FCHSD2: variants seen among roughly 807,000 people sequenced by gnomAD.
FCHSD2 encodes FCH and double SH3 domains 2.
A neutral mutation model predicts 108.1 loss-of-function variants in FCHSD2; 38 were observed. The observed-to-expected ratio is 0.35, with a 90% CI of 0.27 to 0.46. The LOEUF (loss-of-function observed/expected upper bound fraction) is 0.46. Among genes scored for constraint, FCHSD2 ranks in the 20% least tolerant of loss-of-function variants. The pLI, the probability that FCHSD2 is intolerant of heterozygous loss-of-function variation, is 1.00. For synonymous variants in FCHSD2, 279 were observed against 314.7 expected, an observed-to-expected ratio of 0.89 and a Z score of 1.20; for missense variants, 751 against 897.8, an observed-to-expected ratio of 0.84 and a Z score of 2.09.
intron 16 of FCHSD2, 138 bp downstream of exon 16, chr11:72,843,013 A>G: frequency 1.1e-6 from 1 of 941,200 alleles, no homozygotes; most frequent in Non-Finnish European, 1.6e-6. Context: ...TGTGCAGGAC[A>G]AACGTGACCA....
Position 73,051,908 on chromosome 11 carries a change from CA to C in FCHSD2, c.165+31786del, listed in dbSNP as rs1565386214. On this transcript the variant is annotated intron_variant, in intron 3 of 19. Coordinates refer to ENST00000409418, the MANE Select transcript of FCHSD2 (RefSeq NM_014824.3). ...ACACACACACACACACACACACACACACACACACCCCACACACACTGACATC... is the reference window on the plus strand; with the variant it reads ...ACACACACACACACACACACACACACCACACACCCCACACACACTGACATC... Among the ~76,000 whole-genome samples the C allele has an allele frequency of 9.4e-3, 1,343 of 143,256 alleles. 20 individuals are homozygous for C. Among genetic ancestry groups the C allele is most frequent in the African/African-American group, 0.029 (1,112 of 38,248 alleles). The allele number at this position is 143,256 out of a possible 152,430, so 94.0% of individuals were successfully genotyped here.
intron 8 of FCHSD2, among the ~76,000 whole-genome samples, chr11:72,979,324 C>T (rs1163770927): frequency 6.6e-6 from 1 of 151,758 alleles, no homozygotes; most frequent in Non-Finnish European, 1.5e-5. Flanking sequence ...CCAAAAAGTA[C>T]AACATAATGA....
At chr11:73,092,386 C>T (rs1454138537) in intron 2 of FCHSD2, among the ~76,000 whole-genome samples, 1 of 151,844 alleles carries the variant, frequency 6.6e-6, no homozygotes, top group Non-Finnish European at 1.5e-5. Context: ...GTGATTCTTC[C>T]ACCTCAGCCT....
chr11:72,935,832 C>CTTTTGTTT (rs1856288907), intron 8 of FCHSD2, among the ~76,000 whole-genome samples: 1 of 152,114 alleles, frequency 6.6e-6, no homozygotes, highest in Non-Finnish European at 1.5e-5. Flanking sequence ...AAGTTTATGT[C>CTTTTGTTT]TGTAAATTAC....
rs765990301 is a variant in FCHSD2 at position 72,867,884 on chromosome 11, C to G, written c.1289G>C (p.Ser430Thr). The G allele has an allele frequency of 6.2e-6, 10 of 1,612,604 alleles. No individual in the cohort carries two copies. The African/African-American group carries it at 1.2e-4, about 19-fold the overall frequency. ...TCGTACCGAGTGTAAAGTGCCATTA[C>G]TGGTCACTGCAGGAGGGCGGGCCCA... is the stretch of plus-strand genomic sequence containing the variant. ...ERWARPPAVT[S>T]NGTLHSLNAD... is the part of the protein sequence containing the mutation. The change falls in exon 13 of 20, where the codon AGT becomes ACT. Residue 430 changes from serine to threonine, a missense_variant. Transcript: ENST00000409418.
intron 8 of FCHSD2, among the ~76,000 whole-genome samples, chr11:72,956,826 A>G (rs899829872): frequency 0.091 from 8 of 88 alleles, no homozygotes; most frequent in Admixed American, 0.21. Flanking sequence ...TCATAGTGGA[A>G]AAAAAAAAAA....
intron 10 of FCHSD2, among the ~76,000 whole-genome samples, chr11:72,893,631 T>A (rs1855362590): frequency 6.6e-6 from 1 of 152,038 alleles, no homozygotes; most frequent in Non-Finnish European, 1.5e-5. Context: ...TTTTCCTTTA[T>A]CTTTTAAAAA....
At chr11:73,056,741 G>A (rs768041288) in intron 3 of FCHSD2, among the ~76,000 whole-genome samples, 35 of 152,268 alleles carry the variant, frequency 2.3e-4, no homozygotes, top group Non-Finnish European at 4.1e-4. Context: ...GAGCACATGA[G>A]AGCCATCAAA....
intron 8 of FCHSD2, among the ~76,000 whole-genome samples, chr11:72,929,438 C>A (rs1856145577): frequency 6.6e-6 from 1 of 152,190 alleles, no homozygotes; most frequent in Admixed American, 6.5e-5. Context: ...GGTAAGATAG[C>A]TGGAGGCCTT....
rs771880379 is a variant in FCHSD2, at chr11:73,001,124, G to C, written c.253C>G (p.Pro85Ala). 1 of 1,613,000 alleles carries C rather than the reference G, an allele frequency of 6.2e-7. No individual in the cohort carries two copies. Among genetic ancestry groups the C allele is most frequent in the South Asian group, 1.1e-5 (1 of 90,776 alleles). ...CCCTCGAGAAAAGATTTCCAAACGG[G>C]ATACATGCTCCTAAATTCAAAGAGG... ...DDRNDYRSMY[P>A]VWKSFLEGTM... Residue 85 changes from proline (P) to alanine (A), a missense_variant, in exon 5 of 20, where the codon CCC (proline) becomes GCC (alanine). Transcript: ENST00000409418.
At chr11:72,865,309 T>C (rs1037943834) in intron 13 of FCHSD2, among the ~76,000 whole-genome samples, 3 of 152,202 alleles carry the variant, frequency 2.0e-5, no homozygotes, top group Admixed American at 2.0e-4. Flanking sequence ...GCAGATTAAA[T>C]AAATATAGGT....
chr11:73,052,117 T>C (rs894819271), intron 3 of FCHSD2, among the ~76,000 whole-genome samples: 1 of 152,188 alleles, frequency 6.6e-6, no homozygotes, highest in Non-Finnish European at 1.5e-5. Flanking sequence ...AATGCAAAGA[T>C]AGTATGGCAT....
At chr11:72,858,726 C>T (rs1028402124) in intron 13 of FCHSD2, among the ~76,000 whole-genome samples, 1 of 152,088 alleles carries the variant, frequency 6.6e-6, no homozygotes, top group African/African-American at 2.4e-5. Flanking sequence ...CACAAGTTTA[C>T]CTATGTAACA....
chr11:72,848,313 G>A (rs527879790), intron 14 of FCHSD2, among the ~76,000 whole-genome samples: 1 of 152,112 alleles, frequency 6.6e-6, no homozygotes, highest in South Asian at 2.1e-4. Flanking sequence ...AACATTTCCT[G>A]AACACCCCAC....
At chr11:73,006,763 A>G (rs556381705) in intron 4 of FCHSD2, among the ~76,000 whole-genome samples, 49 of 152,228 alleles carry the variant, frequency 3.2e-4, no homozygotes, top group Non-Finnish European at 6.3e-4. Context: ...GTCTTCCCTC[A>G]TTAGAATGTA....
At chr11:72,941,274 A>G (rs1856412690) in intron 8 of FCHSD2, among the ~76,000 whole-genome samples, 1 of 152,152 alleles carries the variant, frequency 6.6e-6, no homozygotes, top group African/African-American at 2.4e-5. Flanking sequence ...ATGACAGTAA[A>G]TATTTGTTAA....
At chr11:72,955,544 A>G (rs1856696803) in intron 8 of FCHSD2, among the ~76,000 whole-genome samples, 2 of 152,274 alleles carry the variant, frequency 1.3e-5, no homozygotes, top group South Asian at 4.1e-4. Context: ...GGGTGGAGCT[A>G]AAAGTTCCAA....
intron 4 of FCHSD2, among the ~76,000 whole-genome samples, chr11:73,008,907 ATAT>A (rs1348572593): frequency 6.6e-6 from 1 of 152,130 alleles, no homozygotes; most frequent in Non-Finnish European, 1.5e-5. Flanking sequence ...TAATAAAAAT[ATAT>A]TATTATTACC....
At chr11:72,999,829 C>A (rs969517267) in intron 5 of FCHSD2, among the ~76,000 whole-genome samples, 2 of 151,248 alleles carry the variant, frequency 1.3e-5, no homozygotes, top group Non-Finnish European at 2.9e-5. Flanking sequence ...AGTATTAATT[C>A]TCTGCCCCTA....
Sources: allele counts gnomAD v4.1 joint callset (sites outside exome capture counted in the v4.1 genomes callset), GRCh38; gene constraint gnomAD v4.1.1; transcripts MANE v1.5; gene names NCBI Gene and HGNC (gene_info 2026-07-23, HGNC 2026-07-21).